Variants in RBFOX1 observed in about 807,000 individuals in gnomAD.
RBFOX1 encodes RNA binding fox-1 homolog 1, also known as RNA binding protein fox-1 homolog 1.
Under a neutral mutation model 57.7 loss-of-function variants are expected in RBFOX1, and 8 were observed. The ratio of observed to expected loss-of-function variants is 0.14; its 90% confidence interval spans 0.08 to 0.25. The LOEUF (loss-of-function observed/expected upper bound fraction) is 0.25. RBFOX1 is among the 10% of genes least tolerant of loss of function. The pLI, the probability that RBFOX1 is intolerant of heterozygous loss-of-function variation, is 1.00. For synonymous variants in RBFOX1, 326 were observed against 222.4 expected (o/e 1.47, Z -4.15); for missense variants, 611 against 548.5 (o/e 1.11, Z -1.14).
intron 1 of RBFOX1, among the ~76,000 whole-genome samples, chr16:6,238,298 T>C (rs1362541299): frequency 6.6e-6 from 1 of 152,170 alleles, no homozygotes; most frequent in Non-Finnish European, 1.5e-5. Flanking sequence ...AAATTTGTCC[T>C]TTTGAAACTC....
chr16:6,670,062 T>G (rs2154109024), intron 3 of RBFOX1, among the ~76,000 whole-genome samples: 1 of 152,268 alleles, frequency 6.6e-6, no homozygotes, highest in South Asian at 2.1e-4. Context: ...TGCTCTAGTG[T>G]CCACGTTGGA....
intron 3 of RBFOX1, among the ~76,000 whole-genome samples, chr16:7,004,639 T>G (rs559038623): frequency 1.3e-5 from 2 of 152,332 alleles, no homozygotes; most frequent in South Asian, 2.1e-4. Flanking sequence ...GCCTCAACAT[T>G]GGTATTCCAT....
In RBFOX1 at chr16:7,413,599, C is replaced by T. The variant is rs535345611; in HGVS notation, c.28-104548C>T. ...ACGCTTTGCTGCCACCCCCCTGCCCCCTGCCTGCCCCTTTGCTTGTCCTCT... is the reference window on the plus strand; with the variant it reads ...ACGCTTTGCTGCCACCCCCCTGCCCTCTGCCTGCCCCTTTGCTTGTCCTCT... On this transcript the variant is annotated intron_variant, in intron 4 of 15. Coordinates refer to ENST00000550418, the MANE Select transcript of RBFOX1 (RefSeq NM_018723.4). 6.4e-4 allele frequency among the ~76,000 whole-genome samples: 98 copies of T among 152,192 alleles called. 1 individual carries two copies. In the South Asian group the frequency reaches 0.011, roughly 17 times the overall value.
intron 4 of RBFOX1, among the ~76,000 whole-genome samples, chr16:7,248,109 C>G (rs915172107): frequency 6.6e-6 from 1 of 152,150 alleles, no homozygotes; most frequent in African/African-American, 2.4e-5. Context: ...TTAGGAAGAA[C>G]TGTGAATGAA....
At chr16:6,793,117 G>C (rs989363245) in intron 3 of RBFOX1, among the ~76,000 whole-genome samples, 2 of 151,844 alleles carry the variant, frequency 1.3e-5, no homozygotes, top group Non-Finnish European at 2.9e-5. Context: ...TTCATGGTAC[G>C]CCTGCTGTCA....
intron 14 of RBFOX1, among the ~76,000 whole-genome samples, chr16:7,706,318 G>T (rs922332831): frequency 6.6e-6 from 1 of 152,200 alleles, no homozygotes; most frequent in Non-Finnish European, 1.5e-5. Context: ...TCACCCTGAA[G>T]AGAAAAGGAG....
intron 3 of RBFOX1, among the ~76,000 whole-genome samples, chr16:6,814,485 C>T (rs996105391): frequency 3.3e-5 from 5 of 152,064 alleles, no homozygotes; most frequent in Non-Finnish European, 7.4e-5. Flanking sequence ...CTTCATGGGG[C>T]TTAGAGTCTA....
intron 5 of RBFOX1, among the ~76,000 whole-genome samples, chr16:7,534,091 T>C (rs76855689): frequency 1.4e-5 from 2 of 137,978 alleles, no homozygotes; most frequent in African/African-American, 2.5e-5. Context: ...TTTTTCTTTT[T>C]TTTTTTTTTT....
At chr16:6,919,482 C>G (rs1025644369) in intron 3 of RBFOX1, among the ~76,000 whole-genome samples, 2 of 151,776 alleles carry the variant, frequency 1.3e-5, no homozygotes, top group African/African-American at 2.4e-5. Context: ...CTCAGCATCA[C>G]ACACTAATAA....
At chr16:6,489,842 A>C (rs1452467028) in intron 2 of RBFOX1, among the ~76,000 whole-genome samples, 1 of 152,220 alleles carries the variant, frequency 6.6e-6, no homozygotes, top group Non-Finnish European at 1.5e-5. Context: ...CACCAAAGGG[A>C]AACACTAATG....
At chr16:7,139,210 T>G (rs62017083) in intron 4 of RBFOX1, among the ~76,000 whole-genome samples, 1,138 of 96,040 alleles carry the variant, frequency 0.012, 24 homozygotes, top group African/African-American at 0.046. Flanking sequence ...GTGTGTGTGT[T>G]TGTGTGTGTG....
intron 1 of RBFOX1, among the ~76,000 whole-genome samples, chr16:5,439,394 T>C (rs1235541630): frequency 6.6e-6 from 1 of 152,144 alleles, no homozygotes; most frequent in Admixed American, 6.5e-5. Flanking sequence ...ATGATTTTGG[T>C]ACCTGGGTAG....
chr16:7,397,645 A>G (rs2098164431), intron 4 of RBFOX1, among the ~76,000 whole-genome samples: 1 of 152,200 alleles, frequency 6.6e-6, no homozygotes, highest in Non-Finnish European at 1.5e-5. Context: ...ACTCTGAAGA[A>G]CTTGATGACA....
intron 1 of RBFOX1, among the ~76,000 whole-genome samples, chr16:5,341,096 G>A (rs529211790): frequency 6.6e-6 from 1 of 152,312 alleles, no homozygotes; most frequent in East Asian, 1.9e-4. Context: ...GCAGGAACAA[G>A]CTTGGTGAAT....
chr16:7,504,746 TATATATATTTA>T (rs1567554201), intron 4 of RBFOX1, among the ~76,000 whole-genome samples: 3 of 13,918 alleles, frequency 2.2e-4, no homozygotes, highest in African/African-American at 6.6e-4. Flanking sequence ...TATATATATA[TATATATATTTA>T]TATATATATA....
intron 4 of RBFOX1, among the ~76,000 whole-genome samples, chr16:5,948,358 T>C (rs981680041): frequency 1.3e-5 from 2 of 152,234 alleles, no homozygotes; most frequent in African/African-American, 4.8e-5. Flanking sequence ...TTCTCCTCCG[T>C]GGCTGTGGTC....
At chr16:7,419,713 C>G (rs180712584) in intron 4 of RBFOX1, among the ~76,000 whole-genome samples, 213 of 152,242 alleles carry the variant, frequency 1.4e-3, no homozygotes, top group African/African-American at 4.8e-3. Flanking sequence ...CCTGTTTTGT[C>G]TGTTTACCTC....
At chr16:5,495,465 C>G (rs2042972973) in intron 2 of RBFOX1, among the ~76,000 whole-genome samples, 1 of 152,210 alleles carries the variant, frequency 6.6e-6, no homozygotes. Flanking sequence ...CCAGGCCTCA[C>G]CTCCAACACT....
At chr16:6,711,924 C>T (rs1412622203) in intron 3 of RBFOX1, among the ~76,000 whole-genome samples, 7 of 152,084 alleles carry the variant, frequency 4.6e-5, no homozygotes, top group Non-Finnish European at 7.3e-5. Flanking sequence ...TGAAAATTGC[C>T]TTCTCCTACA....
Sources: gnomAD v4.1 joint callset for allele counts (sites outside exome capture counted in the v4.1 genomes callset) on GRCh38, gnomAD v4.1.1 for gene constraint, MANE v1.5 for transcripts, NCBI Gene and HGNC (gene_info 2026-07-23, HGNC 2026-07-21) for gene names.